Variants in REV3L observed in about 807,000 individuals in gnomAD.
REV3L encodes DNA polymerase zeta catalytic subunit.
A neutral mutation model predicts 299.4 loss-of-function variants in REV3L; 69 were observed. That is an observed-to-expected ratio of 0.23 (90% confidence interval 0.19 to 0.28). REV3L has a LOEUF of 0.28. Ranked by LOEUF, REV3L falls within the 10% of genes least tolerant of loss-of-function variation. The pLI is 1.00. For missense variants in REV3L, 3,128 were observed against 3,693.8 expected, an observed-to-expected ratio of 0.85 and a Z score of 3.97; for synonymous variants, 1,238 against 1,271.4, an observed-to-expected ratio of 0.97 and a Z score of 0.56.
intron 1 of REV3L, among the ~76,000 whole-genome samples, chr6:111,448,802 T>C (rs1252968930): frequency 6.7e-6 from 1 of 149,078 alleles, no homozygotes; most frequent in African/African-American, 2.5e-5. Flanking sequence ...TTTTTTTTTT[T>C]CAATTTTTAA....
At chr6:111,319,687 CT>C (rs137984464) in intron 26 of REV3L, among the ~76,000 whole-genome samples, 5,716 of 152,142 alleles carry the variant, frequency 0.038, 350 homozygotes, top group African/African-American at 0.13. Flanking sequence ...GGTCATTTAC[CT>C]TCGTCTATCA....
At chr6:111,467,291 G>A (rs1236564321) in intron 1 of REV3L, among the ~76,000 whole-genome samples, 1 of 152,214 alleles carries the variant, frequency 6.6e-6, no homozygotes, top group African/African-American at 2.4e-5. Context: ...GGTCACAGAT[G>A]TCTCTGCCAC....
intron 9 of REV3L, among the ~76,000 whole-genome samples, chr6:111,382,499 G>A (rs939495885): frequency 6.6e-6 from 1 of 152,158 alleles, no homozygotes; most frequent in African/African-American, 2.4e-5. Context: ...AGTGGAGAGC[G>A]ACACGGTATA....
chr6:111,311,543 TAA>T lies in REV3L; in HGVS notation c.8605-286_8605-285del, dbSNP rs577526097. 1.0e-3 allele frequency: 222 copies of T among 218,672 alleles called. 1 individual carries two copies. The Middle Eastern group carries it at 0.011, about 11-fold the overall frequency. 13.5% of individuals were successfully genotyped at this position (218,672 alleles called of 1,614,324 possible). On this transcript the variant is annotated intron_variant, in intron 28 of 31. Transcript: ENST00000368802. ...ATGTGATAAGCAACATAAAACACGT[TAA>T]GTTTTTTTTTTTTAATAGTCAAAGC...
chr6:111,374,490 G>C lies in REV3L; in HGVS notation c.3865C>G (p.Gln1289Glu), dbSNP rs1401182416. The C allele has an allele frequency of 6.2e-7, 1 of 1,614,016 alleles. No individual in the cohort carries two copies. Among genetic ancestry groups the C allele is most frequent in the Non-Finnish European group, 8.5e-7 (1 of 1,179,932 alleles). Reference protein sequence around the residue: ...SASLPTGINAQQKLSGCFSSF... With the variant: ...SASLPTGINAEQKLSGCFSSF... ...GAAAAGCAGCCAGATAACTTCTGTT[G>C]TGCATTAATTCCAGTGGGTAGGGAA... Residue 1289 changes from glutamine to glutamate, a missense_variant, in exon 13 of 32, where the codon CAA becomes GAA. Gln to Glu is a conservative substitution (Grantham distance 29). Around this residue, in one of 9 missense-constraint regions of REV3L, gnomAD observed 2,409 missense variants for 2,611.8 expected, o/e 0.92. Coordinates refer to ENST00000368802, the MANE Select transcript of REV3L (RefSeq NM_001372078.1).
chr6:111,306,652 C>T lies in REV3L; in HGVS notation c.9252+709G>A, dbSNP rs566546763. Among the ~76,000 whole-genome samples, 5 of 152,312 alleles carry T rather than the reference C, an allele frequency of 3.3e-5. No individual in the cohort carries two copies. In the East Asian group the frequency reaches 7.7e-4, roughly 23 times the overall value. On this transcript the variant is annotated intron_variant, in intron 31 of 31. Coordinates refer to ENST00000368802, the MANE Select transcript of REV3L (RefSeq NM_001372078.1). ...CTTAAACTCTCTGTATCAGTTTACT[C>T]ACCTGTAAAGGTGCCTAGAACAGTC... is the stretch of plus-strand genomic sequence containing the variant.
intron 1 of REV3L, among the ~76,000 whole-genome samples, chr6:111,445,343 T>C (rs556790922): frequency 3.9e-4 from 59 of 152,258 alleles, no homozygotes; most frequent in African/African-American, 1.4e-3. Context: ...AATATACCCA[T>C]GTAACAAACC....
chr6:111,341,936 C>G (rs1776534493), intron 21 of REV3L, among the ~76,000 whole-genome samples: 2 of 152,088 alleles, frequency 1.3e-5, no homozygotes, highest in African/African-American at 4.8e-5. Context: ...GTGGAGAGAC[C>G]TCATCACCCC....
chr6:111,372,759 T>C lies in REV3L; in HGVS notation c.5596A>G (p.Lys1866Glu). The C allele has an allele frequency of 1.9e-6, 3 of 1,612,786 alleles. No homozygotes were observed. The highest frequency in any genetic ancestry group is 2.5e-6 in the Non-Finnish European group (3 of 1,179,426). ...GTTCGAGGGGTGAAGCTGCCATTTT[T>C]AGATTGTGAAGGAGAGCTAGTAGAT... The part of the protein sequence containing the change: ...PRSTSSPSQS[K>E]NGSFTPRTAN... The change falls in exon 13 of 32, where the codon AAA (lysine) becomes GAA (glutamate). Residue 1866 changes from lysine to glutamate, a missense_variant. Lys to Glu is a moderately conservative substitution (Grantham distance 56). Coordinates refer to ENST00000368802, the MANE Select transcript of REV3L (RefSeq NM_001372078.1).
intron 1 of REV3L, among the ~76,000 whole-genome samples, chr6:111,452,998 TAATA>T (rs771564240): frequency 2.5e-4 from 38 of 152,096 alleles, no homozygotes; most frequent in Non-Finnish European, 8.8e-5. Context: ...TTACATATTT[TAATA>T]TATAATAATG....
intron 1 of REV3L, among the ~76,000 whole-genome samples, chr6:111,456,611 A>G (rs920720750): frequency 6.6e-6 from 1 of 152,164 alleles, no homozygotes; most frequent in Non-Finnish European, 1.5e-5. Context: ...CTATTAGGTA[A>G]AGCAGAGATC....
chr6:111,414,657 C>T (rs1784573729), intron 2 of REV3L, among the ~76,000 whole-genome samples: 3 of 152,122 alleles, frequency 2.0e-5, no homozygotes, highest in Non-Finnish European at 2.9e-5. Flanking sequence ...TTCATATGGA[C>T]ATAAAACAAC....
At chr6:111,365,223 C>T (rs760028718) in intron 15 of REV3L, 42 bp downstream of exon 15, 37 of 1,176,326 alleles carry the variant, frequency 3.1e-5, no homozygotes, top group African/African-American at 9.7e-5. Context: ...AGGAAAAAGA[C>T]TGGCTCTTCC....
intron 1 of REV3L, among the ~76,000 whole-genome samples, chr6:111,435,759 G>T (rs1277474339): frequency 2.6e-5 from 4 of 152,178 alleles, no homozygotes; most frequent in African/African-American, 9.6e-5. Context: ...TCTGTGCAAA[G>T]ATTTTTTTGG....
intron 26 of REV3L, among the ~76,000 whole-genome samples, chr6:111,316,852 G>A (rs984608899): frequency 6.6e-6 from 1 of 152,098 alleles, no homozygotes; most frequent in Non-Finnish European, 1.5e-5. Flanking sequence ...AATGGATCAT[G>A]TTACTTGGTA....
chr6:111,358,137 C>T (rs778753383), intron 17 of REV3L, among the ~76,000 whole-genome samples: 3 of 152,050 alleles, frequency 2.0e-5, no homozygotes, highest in Non-Finnish European at 4.4e-5. Context: ...TATAAAATGC[C>T]TTATATGGCA....
At position 111,482,859 on chromosome 6, in the gene REV3L, G is replaced by C; in HGVS notation, c.30C>G (p.Asp10Glu). Residue 10 changes from aspartate to glutamate, a missense_variant, in exon 1 of 32, where the codon GAC becomes GAG. Asp to Glu is a conservative substitution (Grantham distance 45, BLOSUM62 2). Transcript: ENST00000368802. MFSVRIVTA[D>E]YYMASPLQGL... ...CCTGCAGCGGGCTGGCCATGTAGTA[G>C]TCTGCAGTCACTATCCTTACTGAAA... 3.9e-6 allele frequency: 6 copies of C among 1,522,250 alleles called. No individual in the cohort carries two copies. The highest frequency in any genetic ancestry group is 5.2e-6 in the Non-Finnish European group (6 of 1,143,194). The allele number at this position is 1,522,250 out of a possible 1,614,324, so 94.3% of individuals were successfully genotyped here. A position where few individuals can be genotyped will look rare whatever the true frequency, so the allele number is the denominator to read the frequency against.
intron 1 of REV3L, among the ~76,000 whole-genome samples, chr6:111,432,606 G>C (rs1043551900): frequency 6.6e-6 from 1 of 151,990 alleles, no homozygotes; most frequent in Non-Finnish European, 1.5e-5. Context: ...TAATAGTAGG[G>C]GACTTCAACA....
intron 1 of REV3L, among the ~76,000 whole-genome samples, chr6:111,450,748 G>A (rs1412620523): frequency 2.0e-5 from 3 of 152,128 alleles, no homozygotes; most frequent in Non-Finnish European, 4.4e-5. Context: ...ACTGTGAAAA[G>A]ACAGAAATTG....
Sources: gnomAD v4.1 joint callset for allele counts (sites outside exome capture counted in the v4.1 genomes callset) on GRCh38, gnomAD v4.1.1 for gene constraint, gnomAD v4.1.1 regional missense constraint, MANE v1.5 for transcripts, NCBI Gene and HGNC (gene_info 2026-07-23, HGNC 2026-07-21) for gene names.